ERI1: variants seen among roughly 807,000 people sequenced by gnomAD.
ERI1 encodes the protein 3'-5' exoribonuclease 1.
Under a neutral mutation model 39.7 loss-of-function variants are expected in ERI1, and 39 were observed. That is an observed-to-expected ratio of 0.98 (90% confidence interval 0.76 to 1.28). ERI1 has a LOEUF of 1.28. Among genes scored for constraint, ERI1 ranks in the 50% most tolerant of loss-of-function variants. ERI1 has a pLI of 0.00. For missense variants in ERI1, 581 were observed against 416.9 expected, an observed-to-expected ratio of 1.39 and a Z score of -3.43; for synonymous variants, 204 against 149.6, an observed-to-expected ratio of 1.36 and a Z score of -2.65.
At position 9,011,577 on chromosome 8, in the gene ERI1, A is replaced by G; in HGVS notation, c.323A>G (p.Asn108Ser). The change falls in exon 3 of 7, where the codon AAC (asparagine) becomes AGC (serine). Residue 108 changes from asparagine (N) to serine (S), a missense_variant. Coordinates refer to ENST00000250263, the MANE Select transcript of ERI1 (RefSeq NM_153332.4). ...VKDVLKKRLKNYYKKQKLMLK... is the reference protein window; with the variant it reads ...VKDVLKKRLKSYYKKQKLMLK... Reference sequence around the variant, plus strand: ...GATGTTCTAAAGAAGAGACTGAAAAACTATTATAAGAAGCAGAAGCTGATG... The same window carrying G: ...GATGTTCTAAAGAAGAGACTGAAAAGCTATTATAAGAAGCAGAAGCTGATG... 1 of 1,612,048 alleles carries G rather than the reference A, an allele frequency of 6.2e-7. No homozygotes were observed. The highest frequency in any genetic ancestry group is 8.5e-7 in the Non-Finnish European group (1 of 1,179,022).
chr8:9,044,130 C>G (rs1442926220), intron 3 of ERI1, among the ~76,000 whole-genome samples: 1 of 152,158 alleles, frequency 6.6e-6, no homozygotes, highest in South Asian at 2.1e-4. Context: ...AGGATATCAT[C>G]TGAATTATGG....
intron 4 of ERI1, among the ~76,000 whole-genome samples, chr8:9,017,678 G>C (rs1396732419): frequency 2.6e-5 from 4 of 152,130 alleles, no homozygotes; most frequent in African/African-American, 7.2e-5. Context: ...AGAATGGCTG[G>C]GCATTTCAGG....
At chr8:9,063,821 T>C (rs1240043977) in intron 3 of ERI1, among the ~76,000 whole-genome samples, 1 of 152,176 alleles carries the variant, frequency 6.6e-6, no homozygotes, top group Non-Finnish European at 1.5e-5. Context: ...TCAAGTGGCA[T>C]TGCAGAAGAA....
intron 6 of ERI1, among the ~76,000 whole-genome samples, chr8:9,023,770 A>AT (rs768010080): frequency 1.1e-3 from 112 of 103,616 alleles, no homozygotes; most frequent in Middle Eastern, 6.4e-3. Flanking sequence ...GTCTAAAAAC[A>AT]TTTTTTTTTT....
chr8:9,092,838 G>A (rs987030653), intron 3 of ERI1, among the ~76,000 whole-genome samples: 1 of 152,228 alleles, frequency 6.6e-6, no homozygotes. Context: ...TTGGCTTACA[G>A]TTCTGGAGAC....
chr8:9,098,735 T>G (rs968832306), intron 3 of ERI1, among the ~76,000 whole-genome samples: 2 of 151,422 alleles, frequency 1.3e-5, no homozygotes, highest in Non-Finnish European at 2.9e-5. Flanking sequence ...AAAAAAAAAT[T>G]TTTAATAAAG....
chr8:9,062,436 G>C (rs1221122379), intron 3 of ERI1, among the ~76,000 whole-genome samples: 1 of 151,164 alleles, frequency 6.6e-6, no homozygotes, highest in Admixed American at 6.7e-5. Flanking sequence ...GGCAGGTGGG[G>C]ATAACTAAAA....
rs144455414 is a variant in ERI1, at chr8:9,098,213, G to C, written n.300-18135G>C. On this transcript the variant is annotated intron_variant and non_coding_transcript_variant, in intron 3 of 3. Transcript: ENST00000518663. Reference sequence around the variant, plus strand: ...AGCCTGGCAAAAATGGTGAAACCCTGTCTCTACTAAAAATACAAATAATTG... The same window carrying C: ...AGCCTGGCAAAAATGGTGAAACCCTCTCTCTACTAAAAATACAAATAATTG... Among the ~76,000 whole-genome samples the C allele has an allele frequency of 3.0e-3, 448 of 151,776 alleles. 2 individuals are homozygous for C. The highest frequency in any genetic ancestry group is 0.011 in the African/African-American group (436 of 41,384).
intron 3 of ERI1, among the ~76,000 whole-genome samples, chr8:9,064,230 G>T (rs539246557): frequency 0.28 from 254 of 902 alleles, 1 homozygote; most frequent in Admixed American, 0.37. Flanking sequence ...AAGGGTGAAG[G>T]AGAAGGGGGG....
At chr8:9,037,070 T>C (rs77656911), downstream of ERI1, among the ~76,000 whole-genome samples, 5,846 of 152,340 alleles carry the variant, frequency 0.038, 167 homozygotes, top group South Asian at 0.089. Context: ...TCTCTCTTGC[T>C]GTCTCTTCCT....
chr8:9,081,810 G>A (rs554778417), intron 3 of ERI1, among the ~76,000 whole-genome samples: 28 of 152,084 alleles, frequency 1.8e-4, no homozygotes, highest in African/African-American at 6.0e-4. Flanking sequence ...AAAGGGAGGG[G>A]TGCTCCAAAG....
chr8:9,006,131 A>G (rs1403814812), intron 1 of ERI1, among the ~76,000 whole-genome samples: 1 of 152,232 alleles, frequency 6.6e-6, no homozygotes, highest in African/African-American at 2.4e-5. Context: ...TAACAATACA[A>G]GTAGGGTTTT....
chr8:9,010,865 A>T (rs1816594358), intron 2 of ERI1, among the ~76,000 whole-genome samples: 1 of 152,188 alleles, frequency 6.6e-6, no homozygotes, highest in African/African-American at 2.4e-5. Flanking sequence ...TATAATATTG[A>T]AATCCCCTAA....
intron 6 of ERI1, among the ~76,000 whole-genome samples, chr8:9,026,051 C>T (rs1488112574): frequency 6.6e-6 from 1 of 152,098 alleles, no homozygotes; most frequent in Non-Finnish European, 1.5e-5. Context: ...CTGATGCTAC[C>T]AATAAGCAAT....
chr8:9,052,483 A>G (rs1798390180), intron 3 of ERI1, among the ~76,000 whole-genome samples: 2 of 152,170 alleles, frequency 1.3e-5, no homozygotes, highest in South Asian at 2.1e-4. Context: ...CTGGCAAGGT[A>G]CCGTCACTGA....
Position 9,030,218 on chromosome 8 carries a change from T to C in ERI1, c.*184T>C, listed in dbSNP as rs566628384. The C allele has an allele frequency of 2.9e-4, 210 of 721,598 alleles. 1 individual carries two copies. In the African/African-American group the frequency reaches 3.3e-3, roughly 11 times the overall value. 44.7% of individuals were successfully genotyped at this position (721,598 alleles called of 1,614,324 possible). A position where few individuals can be genotyped will look rare whatever the true frequency, so the allele number is the denominator to read the frequency against. The stretch of plus-strand genomic sequence containing the variant: ...TTGTAGGAAGGCATACTGAATTCTT[T>C]GTCACCAGCACTTTTGATATGAACA... On this transcript the variant is annotated 3_prime_UTR_variant, in exon 7 of 7. Coordinates refer to ENST00000250263, the MANE Select transcript of ERI1 (RefSeq NM_153332.4).
At chr8:9,093,188 AAGAAGAAGAATTAATTGT>A (rs1167153855) in intron 3 of ERI1, among the ~76,000 whole-genome samples, 2 of 152,214 alleles carry the variant, frequency 1.3e-5, no homozygotes, top group Admixed American at 6.5e-5. Context: ...GCCACATTGG[AAGAAGAAGAATTAATTGT>A]CTTGGGCCGC....
intron 3 of ERI1, among the ~76,000 whole-genome samples, chr8:9,098,717 T>C (rs1368370176): frequency 6.6e-6 from 1 of 151,786 alleles, no homozygotes; most frequent in Non-Finnish European, 1.5e-5. Flanking sequence ...CAAAAACCTA[T>C]TGAAATAAAA....
chr8:9,049,646 C>G (rs900162752), intron 3 of ERI1, among the ~76,000 whole-genome samples: 7 of 152,038 alleles, frequency 4.6e-5, no homozygotes, highest in Non-Finnish European at 8.8e-5. Context: ...AGTTAAACAA[C>G]TTTTGACTTG....
Sources: gnomAD v4.1 joint callset for allele counts (sites outside exome capture counted in the v4.1 genomes callset) on GRCh38, gnomAD v4.1.1 for gene constraint, MANE v1.5 for transcripts, NCBI Gene and HGNC (gene_info 2026-07-23, HGNC 2026-07-21) for gene names.